CACNG2: variants seen among roughly 807,000 people sequenced by gnomAD.
CACNG2 encodes the protein voltage-dependent calcium channel gamma-2 subunit.
CACNG2 carries 3 observed loss-of-function variants against 25.9 expected under a neutral mutation model. The observed-to-expected ratio is 0.12, with a 90% CI of 0.05 to 0.30. CACNG2 has a LOEUF of 0.30. Among genes scored for constraint, CACNG2 ranks in the 10% least tolerant of loss-of-function variants. The pLI, the probability that CACNG2 is intolerant of heterozygous loss-of-function variation, is 1.00. For missense variants in CACNG2, 341 were observed against 432.5 expected, an observed-to-expected ratio of 0.79 and a Z score of 1.88; for synonymous variants, 167 against 173.3, an observed-to-expected ratio of 0.96 and a Z score of 0.29.
intron 1 of CACNG2, among the ~76,000 whole-genome samples, chr22:36,645,209 G>T (rs1246754389): frequency 6.6e-6 from 1 of 152,112 alleles, no homozygotes; most frequent in African/African-American, 2.4e-5. Context: ...GGAATGTTAG[G>T]GGGTCTAATT....
intron 1 of CACNG2, among the ~76,000 whole-genome samples, chr22:36,616,543 T>C (rs988947160): frequency 6.6e-5 from 10 of 152,178 alleles, no homozygotes; most frequent in African/African-American, 1.9e-4. Context: ...GTATTGCTGA[T>C]AGAGGTCTGG....
chr22:36,607,876 TCTC>T (rs761063296), intron 1 of CACNG2, among the ~76,000 whole-genome samples: 4 of 152,074 alleles, frequency 2.6e-5, no homozygotes, highest in Non-Finnish European at 5.9e-5. Flanking sequence ...TCTCCTCTCT[TCTC>T]CACCTAAAAC....
At chr22:36,634,775 G>T (rs1936329337) in intron 1 of CACNG2, among the ~76,000 whole-genome samples, 1 of 152,182 alleles carries the variant, frequency 6.6e-6, no homozygotes, top group African/African-American at 2.4e-5. Context: ...CATAGTCCCA[G>T]ATCTCAAGTT....
intron 2 of CACNG2, among the ~76,000 whole-genome samples, chr22:36,584,078 T>C (rs1026007992): frequency 6.6e-6 from 1 of 152,126 alleles, no homozygotes; most frequent in Non-Finnish European, 1.5e-5. Flanking sequence ...CCACCTTATC[T>C]AAGTGACATG....
chr22:36,697,321 A>G (rs1336073231), intron 1 of CACNG2, among the ~76,000 whole-genome samples: 2 of 152,160 alleles, frequency 1.3e-5, no homozygotes, highest in Non-Finnish European at 2.9e-5. Flanking sequence ...GCTCAGGTTG[A>G]GTGCTCAGTG....
chr22:36,648,935 A>G (rs987738737), intron 1 of CACNG2, among the ~76,000 whole-genome samples: 7 of 152,040 alleles, frequency 4.6e-5, no homozygotes, highest in Non-Finnish European at 8.8e-5. Flanking sequence ...CCTTCCCTCA[A>G]TGGTCAGTGC....
chr22:36,653,136 A>G (rs1042514042), intron 1 of CACNG2, among the ~76,000 whole-genome samples: 9 of 152,170 alleles, frequency 5.9e-5, no homozygotes, highest in African/African-American at 1.9e-4. Flanking sequence ...AGCCTGACCA[A>G]CATGGAGAAA....
chr22:36,604,773 T>C (rs1935806727), intron 1 of CACNG2, among the ~76,000 whole-genome samples: 2 of 152,228 alleles, frequency 1.3e-5, no homozygotes, highest in Admixed American at 6.5e-5. Flanking sequence ...TACAGTATAG[T>C]GTAAACATAA....
intron 2 of CACNG2, among the ~76,000 whole-genome samples, chr22:36,575,800 C>T (rs1320192967): frequency 3.3e-5 from 5 of 152,142 alleles, no homozygotes; most frequent in South Asian, 2.1e-4. Flanking sequence ...AAATAGTCAC[C>T]GTAATCAGGT....
chr22:36,577,742 C>T (rs1037594093), intron 2 of CACNG2, among the ~76,000 whole-genome samples: 6 of 151,270 alleles, frequency 4.0e-5, no homozygotes, highest in African/African-American at 9.7e-5. Context: ...TTTTGGGGAA[C>T]ATTTTGCTCT....
At chr22:36,684,634 A>C (rs1395925807) in intron 1 of CACNG2, among the ~76,000 whole-genome samples, 3 of 150,336 alleles carry the variant, frequency 2.0e-5, no homozygotes, top group Non-Finnish European at 4.5e-5. Context: ...AAAAAAAACA[A>C]AGTAAAAAAA....
rs558542956 is a variant in CACNG2, at chr22:36,589,640, C to T, written c.212-2092G>A. On this transcript the variant is annotated intron_variant, in intron 1 of 3. Transcript: ENST00000300105. ...CATATCGGGACTTCTGGTCGCTTCA[C>T]TGAAGCTTGGTAGGGCCACTCAAAA... Among the ~76,000 whole-genome samples the T allele has an allele frequency of 2.0e-5, 3 of 152,282 alleles. No individual in the cohort carries two copies. In the East Asian group the frequency reaches 5.8e-4, roughly 29 times the overall value.
chr22:36,687,544 T>C (rs778349556), intron 1 of CACNG2, among the ~76,000 whole-genome samples: 3 of 152,228 alleles, frequency 2.0e-5, no homozygotes, highest in Non-Finnish European at 2.9e-5. Flanking sequence ...ATTAGGGGAA[T>C]TCTTTGGGTA....
chr22:36,678,768 C>A (rs1937048485), intron 1 of CACNG2, among the ~76,000 whole-genome samples: 1 of 152,146 alleles, frequency 6.6e-6, no homozygotes, highest in Non-Finnish European at 1.5e-5. Context: ...GACACCACCC[C>A]CTTCTCTAAA....
chr22:36,702,308 G>T, intron 1 of CACNG2, 58 bp downstream of exon 1: 1 of 1,052,520 alleles, frequency 9.5e-7, no homozygotes, highest in Admixed American at 2.0e-5. Context: ...GGTGGGGAGG[G>T]GGGAGTGAAA....
At chr22:36,663,821 T>C (rs1484604328) in intron 1 of CACNG2, among the ~76,000 whole-genome samples, 1 of 152,136 alleles carries the variant, frequency 6.6e-6, no homozygotes, top group Admixed American at 6.5e-5. Flanking sequence ...TGTGGGGGGC[T>C]GGAAGACAGG....
intron 2 of CACNG2, among the ~76,000 whole-genome samples, chr22:36,574,189 T>C (rs919691558): frequency 3.3e-5 from 5 of 152,160 alleles, no homozygotes; most frequent in African/African-American, 4.8e-5. Flanking sequence ...GATTTGCATC[T>C]TAAGAAGCAA....
At chr22:36,637,510 G>A (rs1046188081) in intron 1 of CACNG2, among the ~76,000 whole-genome samples, 2 of 152,200 alleles carry the variant, frequency 1.3e-5, no homozygotes, top group Non-Finnish European at 2.9e-5. Context: ...CAGCTTGGAA[G>A]TCGGGCTCTC....
At chr22:36,622,992 A>G (rs867398619) in intron 1 of CACNG2, among the ~76,000 whole-genome samples, 2 of 143,396 alleles carry the variant, frequency 1.4e-5, no homozygotes, top group Non-Finnish European at 3.0e-5. Context: ...CCTCTTTCTC[A>G]TTCAGTCTTC....
Sources: allele counts gnomAD v4.1 joint callset (sites outside exome capture counted in the v4.1 genomes callset), GRCh38; gene constraint gnomAD v4.1.1; transcripts MANE v1.5; gene names NCBI Gene and HGNC (gene_info 2026-07-23, HGNC 2026-07-21).